The following ANXA8L1 variants were observed in gnomAD, a reference collection of about 807,000 sequenced individuals.
ANXA8L1 encodes annexin A8-like protein 1.
A neutral mutation model predicts 22.5 loss-of-function variants in ANXA8L1; 10 were observed. That is an observed-to-expected ratio of 0.44 (90% confidence interval 0.27 to 0.75). The LOEUF (loss-of-function observed/expected upper bound fraction) is 0.75. Ranked by LOEUF, ANXA8L1 falls within the 30% of genes least tolerant of loss-of-function variation. The probability of loss-of-function intolerance (pLI) is 0.15; values close to 1 mark genes in which losing one functional copy is unlikely to be tolerated. For synonymous variants in ANXA8L1, 36 were observed against 86.0 expected (o/e 0.42, Z 3.22); for missense variants, 88 against 219.6 (o/e 0.40, Z 3.79).
intron 11 of ANXA8L1, among the ~76,000 whole-genome samples, chr10:46,390,425 G>T (rs1840067564): frequency 8.6e-6 from 1 of 116,928 alleles, no homozygotes; most frequent in Non-Finnish European, 1.8e-5. Flanking sequence ...AGGGTGCGAT[G>T]GTCCAGGCTC....
intron 11 of ANXA8L1, among the ~76,000 whole-genome samples, 155 bp from the exon 12 acceptor site, chr10:46,390,714 AAG>A (rs1402089946): frequency 2.2e-5 from 3 of 137,224 alleles, no homozygotes; most frequent in African/African-American, 7.8e-5. Context: ...AAAACCAGGA[AAG>A]AGGGGTGATG....
At chr10:46,377,764 G>C (rs1183178108) in intron 1 of ANXA8L1, among the ~76,000 whole-genome samples, 2 of 117,384 alleles carry the variant, frequency 1.7e-5, no homozygotes, top group Non-Finnish European at 3.6e-5. Flanking sequence ...GTCTCTCATA[G>C]AGACAAACCC....
chr10:46,378,207 C>T (rs1311122066), intron 1 of ANXA8L1, among the ~76,000 whole-genome samples: 1 of 123,874 alleles, frequency 8.1e-6, no homozygotes, highest in South Asian at 2.3e-4. Flanking sequence ...CTCGCTGGTG[C>T]ACCACAGCCC....
intron 11 of ANXA8L1, among the ~76,000 whole-genome samples, chr10:46,390,452 T>C (rs1840068370): frequency 9.0e-6 from 1 of 111,326 alleles, no homozygotes. Flanking sequence ...CCCCCGGCCC[T>C]GCTCCCAGGT....
intron 11 of ANXA8L1, among the ~76,000 whole-genome samples, chr10:46,389,612 T>C (rs1371632484): frequency 6.6e-6 from 1 of 151,224 alleles, no homozygotes; most frequent in Non-Finnish European, 1.5e-5. Context: ...AACTCCTGCA[T>C]TGAAATTAAG....
intron 1 of ANXA8L1, among the ~76,000 whole-genome samples, chr10:46,377,821 A>G (rs1387279060): frequency 9.9e-5 from 12 of 120,642 alleles, no homozygotes; most frequent in Non-Finnish European, 1.6e-4. Context: ...AGGCCAAGGC[A>G]TGGCAGCTCC....
chr10:46,389,752 C>A (rs1840056037), intron 11 of ANXA8L1, among the ~76,000 whole-genome samples: 1 of 151,438 alleles, frequency 6.6e-6, no homozygotes, highest in Admixed American at 6.6e-5. Flanking sequence ...CGTAGTGGCC[C>A]ACACCTGTAA....
chr10:46,389,903 T>A (rs1285263173), intron 11 of ANXA8L1, among the ~76,000 whole-genome samples: 3 of 151,398 alleles, frequency 2.0e-5, no homozygotes, highest in Admixed American at 6.6e-5. Context: ...GTTAAAAAAA[T>A]TTCATTGTAG....
At chr10:46,384,572 G>T (rs1227294893) in intron 6 of ANXA8L1, among the ~76,000 whole-genome samples, 1 of 120,714 alleles carries the variant, frequency 8.3e-6, no homozygotes, top group African/African-American at 3.4e-5. Context: ...CACTGAATCC[G>T]CCAAGCCTTA....
rs1432402241 is a variant in ANXA8L1 at position 46,390,768 on chromosome 10, G to C, written c.925-103G>C. The C allele has an allele frequency of 1.1e-5, 10 of 916,982 alleles. No individual in the cohort carries two copies. The African/African-American group carries it at 1.6e-4, about 15-fold the overall frequency. 56.8% of individuals were successfully genotyped at this position (916,982 alleles called of 1,614,324 possible). ...TAGGAACCCTGGAGGGCCGGGCCAG[G>C]TGCAGGCCAGGGGCACACCTCTTAG... On this transcript the variant is annotated intron_variant, in intron 11 of 11. Transcript: ENST00000619162.
In ANXA8L1 at chr10:46,384,848, A is replaced by G; in HGVS notation, c.552+15A>G. Reference sequence around the variant, plus strand: ...AAGACGCACAGGTGAGGCTGCGCCCAGCCGGCCATGTGGCCCCACCCCCTG... The same window carrying G: ...AAGACGCACAGGTGAGGCTGCGCCCGGCCGGCCATGTGGCCCCACCCCCTG... On this transcript the variant is annotated intron_variant, in intron 7 of 11. Coordinates refer to ENST00000619162, the MANE Select transcript of ANXA8L1 (RefSeq NM_001098845.3). 6.2e-7 allele frequency: 1 copy of G among 1,612,282 alleles called. No individual in the cohort carries two copies. Among genetic ancestry groups the G allele is most frequent in the Admixed American group, 1.7e-5 (1 of 59,884 alleles).
intron 7 of ANXA8L1, 44 bp downstream of exon 7, chr10:46,384,877 T>G (rs1840017691): frequency 3.1e-6 from 5 of 1,610,974 alleles, no homozygotes; most frequent in Non-Finnish European, 4.2e-6. Flanking sequence ...CCCCCTGCCA[T>G]CTGGACTCCG....
rs1288424042 is a variant in ANXA8L1 at position 46,375,800 on chromosome 10, C to G, written c.-52C>G. 1 of 1,608,754 alleles carries G rather than the reference C, an allele frequency of 6.2e-7. No individual in the cohort carries two copies. The highest frequency in any genetic ancestry group is 8.5e-7 in the Non-Finnish European group (1 of 1,178,890). On this transcript the variant is annotated 5_prime_UTR_variant, in exon 1 of 12. Transcript: ENST00000619162. Reference sequence around the variant, plus strand: ...CAGACGTGTGGAGTCCCAGCAGAGGCCAACCTGTGTCTCTTCATCTCCGTG... The same window carrying G: ...CAGACGTGTGGAGTCCCAGCAGAGGGCAACCTGTGTCTCTTCATCTCCGTG...
intron 1 of ANXA8L1, among the ~76,000 whole-genome samples, chr10:46,377,898 CA>C (rs1176098013): frequency 8.6e-6 from 1 of 116,574 alleles, no homozygotes; most frequent in African/African-American, 3.7e-5. Flanking sequence ...GTCACCTTTT[CA>C]GTGAAAATGT....
chr10:46,375,881 G>C lies in ANXA8L1; in HGVS notation c.21+9G>C. On this transcript the variant is annotated intron_variant, in intron 1 of 11. Transcript: ENST00000619162. ...CCTGGTGGAAAGCCTGGGTAAGTGG[G>C]AGCTGGCAGGAGATTTGCGTTCCTG... 7.5e-7 allele frequency: 1 copy of C among 1,337,914 alleles called. No homozygotes were observed. Among genetic ancestry groups the C allele is most frequent in the Non-Finnish European group, 1.0e-6 (1 of 956,844 alleles). 82.9% of individuals were successfully genotyped at this position (1,337,914 alleles called of 1,614,324 possible).
chr10:46,384,753 A>T, intron 6 of ANXA8L1, 21 bp from the exon 7 acceptor site: 1 of 1,612,992 alleles, frequency 6.2e-7, no homozygotes. Context: ...TGCCTTACAG[A>T]GCCACCTCCT....
rs1283615360 is a variant in ANXA8L1, at chr10:46,384,828, G to A, written c.547G>A (p.Ala183Thr). The A allele has an allele frequency of 3.7e-5, 60 of 1,612,876 alleles. No individual in the cohort carries two copies. Among genetic ancestry groups the A allele is most frequent in the Middle Eastern group, 3.3e-4 (2 of 6,066 alleles). Residue 183 changes from alanine to threonine, a missense_variant, in exon 7 of 12, where the codon GCA becomes ACA. Coordinates refer to ENST00000619162, the MANE Select transcript of ANXA8L1 (RefSeq NM_001098845.3). The stretch of plus-strand genomic sequence containing the variant: ...GGACCCGGCACTGGCCCTCCAAGAC[G>A]CACAGGTGAGGCTGCGCCCAGCCGG... ...FVDPALALQD[A>T]QDLYAAGEKI...
Position 46,385,447 on chromosome 10 carries a change from C to A in ANXA8L1, c.620C>A (p.Thr207Lys). The change falls in exon 8 of 12, where the codon ACG becomes AAG. Residue 207 changes from threonine to lysine, a missense_variant. Thr to Lys is a moderately conservative substitution (Grantham distance 78). Transcript: ENST00000619162. ...ATGAAATTCATCACCATCCTGTGCA[C>A]GCGCAGTGCCACTCACCTGCTGAGA... ...DEMKFITILC[T>K]RSATHLLRVF... 3 of 1,164,228 alleles carry A rather than the reference C, an allele frequency of 2.6e-6. 1 individual carries two copies. The highest frequency in any genetic ancestry group is 2.6e-5 in the South Asian group (2 of 76,404). The allele number at this position is 1,164,228 out of a possible 1,614,324, so 72.1% of individuals were successfully genotyped here.
chr10:46,389,402 T>C (rs1388043151), intron 11 of ANXA8L1, among the ~76,000 whole-genome samples: 1 of 136,642 alleles, frequency 7.3e-6, no homozygotes, highest in Non-Finnish European at 1.5e-5. Flanking sequence ...TCATTAACCC[T>C]TTTAACCACA....
Sources: gnomAD v4.1 joint callset for allele counts (sites outside exome capture counted in the v4.1 genomes callset) on GRCh38, gnomAD v4.1.1 for gene constraint, MANE v1.5 for transcripts, NCBI Gene and HGNC (gene_info 2026-07-23, HGNC 2026-07-21) for gene names.